Variants in RSPO2 observed in about 807,000 individuals in gnomAD.
RSPO2 encodes R-spondin-2.
RSPO2 carries 14 observed loss-of-function variants against 30.9 expected under a neutral mutation model. The ratio of observed to expected loss-of-function variants is 0.45; its 90% CI spans 0.30 to 0.71. The LOEUF (loss-of-function observed/expected upper bound fraction) is 0.71, where lower values mean the gene tolerates loss of function less well. Ranked by LOEUF, RSPO2 falls within the 30% of genes least tolerant of loss-of-function variation. The pLI, the probability that RSPO2 is intolerant of heterozygous loss-of-function variation, is 0.08. For missense variants in RSPO2, 264 were observed against 301.9 expected (o/e 0.87, Z 0.93); for synonymous variants, 107 against 96.4 (o/e 1.11, Z -0.64).
chr8:107,911,240 T>A (rs1181052240), intron 5 of RSPO2, among the ~76,000 whole-genome samples: 1 of 152,172 alleles, frequency 6.6e-6, no homozygotes, highest in African/African-American at 2.4e-5. Flanking sequence ...TTTGTCTCAA[T>A]TGCATATTCT....
intron 2 of RSPO2, among the ~76,000 whole-genome samples, chr8:108,006,733 TG>T (rs1199639407): frequency 2.0e-5 from 3 of 152,190 alleles, no homozygotes; most frequent in Non-Finnish European, 4.4e-5. Flanking sequence ...TTGTAAACAC[TG>T]TATAAACACC....
intron 3 of RSPO2, among the ~76,000 whole-genome samples, chr8:107,986,612 G>A (rs938617247): frequency 6.6e-6 from 1 of 152,130 alleles, no homozygotes; most frequent in African/African-American, 2.4e-5. Flanking sequence ...CAATATCCCT[G>A]CATAGTTGTT....
intron 5 of RSPO2, among the ~76,000 whole-genome samples, chr8:107,952,330 C>T (rs2130414486): frequency 6.6e-6 from 1 of 151,858 alleles, no homozygotes; most frequent in South Asian, 2.1e-4. Context: ...TTATGATTAG[C>T]TTCCATGTAG....
chr8:107,967,461 G>T (rs1813842328), intron 3 of RSPO2, among the ~76,000 whole-genome samples: 1 of 151,936 alleles, frequency 6.6e-6, no homozygotes. Flanking sequence ...ATACCTAAAA[G>T]CTAAAATTAC....
chr8:108,015,325 C>T (rs528811342), intron 2 of RSPO2, among the ~76,000 whole-genome samples: 5 of 152,262 alleles, frequency 3.3e-5, no homozygotes, highest in South Asian at 4.1e-4. Context: ...ATTTATCTCA[C>T]GTTCTAATCA....
Position 107,899,978 on chromosome 8 carries a change from T to G in RSPO2, c.*1097A>C, listed in dbSNP as rs1273372831. 6.6e-6 allele frequency: 1 copy of G among 152,170 alleles called. No individual in the cohort carries two copies. The highest frequency in any genetic ancestry group is 2.4e-5 in the African/African-American group (1 of 41,448). 9.4% of individuals were successfully genotyped at this position (152,170 alleles called of 1,614,324 possible). ...TAGCTTCTTCAGTGACCCAAGAACA[T>G]TGGTAGGTGCCTTGTCATTTAAAGC... On this transcript the variant is annotated 3_prime_UTR_variant, in exon 6 of 6. Transcript: ENST00000276659.
intron 2 of RSPO2, among the ~76,000 whole-genome samples, chr8:108,000,534 G>T (rs1815206641): frequency 6.6e-6 from 1 of 151,014 alleles, no homozygotes; most frequent in Non-Finnish European, 1.5e-5. Context: ...AGAGTTTTGT[G>T]TTTTTTTTTT....
intron 3 of RSPO2, among the ~76,000 whole-genome samples, chr8:107,975,320 G>C (rs1210899675): frequency 1.3e-5 from 2 of 152,060 alleles, no homozygotes; most frequent in Non-Finnish European, 2.9e-5. Flanking sequence ...AGTGATCTGT[G>C]GAACAAAACT....
intron 2 of RSPO2, among the ~76,000 whole-genome samples, chr8:108,024,352 G>A (rs1563568362): frequency 6.6e-6 from 1 of 151,904 alleles, no homozygotes; most frequent in Non-Finnish European, 1.5e-5. Flanking sequence ...ATGCAGTATA[G>A]TACACTGCAA....
chr8:107,995,160 T>C (rs908649002), intron 2 of RSPO2, among the ~76,000 whole-genome samples: 1 of 152,170 alleles, frequency 6.6e-6, no homozygotes, highest in African/African-American at 2.4e-5. Flanking sequence ...TTCTATCAAC[T>C]GTTCTCTTTT....
At chr8:107,920,111 G>A (rs940009805) in intron 5 of RSPO2, among the ~76,000 whole-genome samples, 2 of 132,026 alleles carry the variant, frequency 1.5e-5, no homozygotes, top group African/African-American at 5.2e-5. Flanking sequence ...GGCAGGTTAT[G>A]TATTAGGAGG....
intron 2 of RSPO2, among the ~76,000 whole-genome samples, chr8:107,998,758 AT>A (rs1358798158): frequency 1.3e-5 from 2 of 152,136 alleles, no homozygotes; most frequent in African/African-American, 4.8e-5. Flanking sequence ...ATTAAACTGT[AT>A]TTATGGCCAG....
At chr8:107,966,663 T>C (rs184273386) in intron 3 of RSPO2, among the ~76,000 whole-genome samples, 6 of 152,354 alleles carry the variant, frequency 3.9e-5, no homozygotes, top group Non-Finnish European at 5.9e-5. Flanking sequence ...AACAGTGCTT[T>C]CAGGGCACTT....
At chr8:107,935,732 G>A (rs1393534133) in intron 5 of RSPO2, among the ~76,000 whole-genome samples, 1 of 152,100 alleles carries the variant, frequency 6.6e-6, no homozygotes, top group South Asian at 2.1e-4. Flanking sequence ...TAGTGTCTTA[G>A]CAAGCCACCC....
intron 2 of RSPO2, among the ~76,000 whole-genome samples, chr8:108,022,110 G>C (rs1287487264): frequency 6.6e-6 from 1 of 152,066 alleles, no homozygotes; most frequent in African/African-American, 2.4e-5. Context: ...CCTCCAGTAT[G>C]TGCTTTAGGT....
At chr8:108,066,986 C>A (rs1375829063) in intron 2 of RSPO2, among the ~76,000 whole-genome samples, 1 of 152,132 alleles carries the variant, frequency 6.6e-6, no homozygotes, top group Non-Finnish European at 1.5e-5. Flanking sequence ...TGAATCTAAT[C>A]CAACCTTCAA....
At chr8:108,045,421 T>C (rs1424357740) in intron 2 of RSPO2, among the ~76,000 whole-genome samples, 3 of 152,066 alleles carry the variant, frequency 2.0e-5, no homozygotes, top group African/African-American at 7.2e-5. Context: ...AAAATTCCTG[T>C]ATAGGTCAAG....
chr8:108,002,985 C>T (rs551772927), intron 2 of RSPO2, among the ~76,000 whole-genome samples: 5 of 151,052 alleles, frequency 3.3e-5, no homozygotes, highest in Non-Finnish European at 7.4e-5. Context: ...TGGTAAAAGT[C>T]AAATGTTAAC....
At chr8:108,067,946 G>A (rs1812724586) in intron 2 of RSPO2, among the ~76,000 whole-genome samples, 1 of 152,174 alleles carries the variant, frequency 6.6e-6, no homozygotes, top group Non-Finnish European at 1.5e-5. Flanking sequence ...GCACATACCT[G>A]TAGTCCCAGC....
Sources: gnomAD v4.1 joint callset for allele counts (sites outside exome capture counted in the v4.1 genomes callset) on GRCh38, gnomAD v4.1.1 for gene constraint, MANE v1.5 for transcripts, NCBI Gene and HGNC (gene_info 2026-07-23, HGNC 2026-07-21) for gene names.